KCNH8: variants seen among roughly 807,000 people sequenced by gnomAD.
KCNH8 encodes the protein voltage-gated delayed rectifier potassium channel KCNH8.
Under a neutral mutation model 103.6 loss-of-function variants are expected in KCNH8, and 70 were observed. The observed-to-expected ratio is 0.68, with a 90% CI of 0.56 to 0.82. The LOEUF is 0.82. KCNH8 is among the 40% of genes least tolerant of loss of function. The pLI, the probability that KCNH8 is intolerant of heterozygous loss-of-function variation, is 0.00. For synonymous variants in KCNH8, 498 were observed against 489.4 expected (o/e 1.02, Z -0.23); for missense variants, 1,217 against 1,329.9 (o/e 0.92, Z 1.32).
Position 19,315,183 on chromosome 3 carries a change from T to C in KCNH8, c.443-27404T>C, listed in dbSNP as rs184035700. Among the ~76,000 whole-genome samples, 8 of 151,968 alleles carry C rather than the reference T, an allele frequency of 5.3e-5. No homozygotes were observed. In the South Asian group the frequency reaches 1.0e-3, roughly 20 times the overall value. On this transcript the variant is annotated intron_variant, in intron 3 of 15. Coordinates refer to ENST00000328405, the MANE Select transcript of KCNH8 (RefSeq NM_144633.3). ...GCCCAGGATTGTGCAGACTTGAAAC[T>C]GGGGAGTGAAGTGTCAGTGCCAGAA...
chr3:19,274,559 T>G (rs757798175), intron 2 of KCNH8, among the ~76,000 whole-genome samples: 23 of 152,124 alleles, frequency 1.5e-4, no homozygotes, highest in Non-Finnish European at 2.8e-4. Context: ...AAGTATTAGT[T>G]CTACTGGTCA....
chr3:19,369,826 A>G (rs1461730570), intron 5 of KCNH8, among the ~76,000 whole-genome samples: 1 of 151,696 alleles, frequency 6.6e-6, no homozygotes, highest in African/African-American at 2.4e-5. Flanking sequence ...CTAACCACCT[A>G]TTTTTGCACT....
At chr3:19,489,317 G>A (rs182535912) in intron 11 of KCNH8, among the ~76,000 whole-genome samples, 8 of 152,168 alleles carry the variant, frequency 5.3e-5, no homozygotes, top group Admixed American at 1.3e-4. Flanking sequence ...GAATTCCCTC[G>A]GTGGGTGGAG....
At chr3:19,356,101 G>A (rs903524684) in intron 5 of KCNH8, among the ~76,000 whole-genome samples, 9 of 151,720 alleles carry the variant, frequency 5.9e-5, no homozygotes, top group South Asian at 2.1e-4. Context: ...TGGTATTCAC[G>A]TAAACTCCAT....
chr3:19,232,310 A>G lies in KCNH8; in HGVS notation c.77-21344A>G, dbSNP rs563779772. On this transcript the variant is annotated intron_variant, in intron 1 of 15. Transcript: ENST00000328405. ...CTCTTGGTTTTATTTCCTCAACCAT[A>G]TCCTTCACTGAGAATCTGGAGAAAA... 1.1e-3 allele frequency among the ~76,000 whole-genome samples: 163 copies of G among 152,334 alleles called. 1 individual carries two copies. The highest frequency in any genetic ancestry group is 3.6e-3 in the African/African-American group (149 of 41,580).
intron 3 of KCNH8, among the ~76,000 whole-genome samples, chr3:19,337,806 A>G (rs1444505121): frequency 6.6e-6 from 1 of 152,076 alleles, no homozygotes; most frequent in Non-Finnish European, 1.5e-5. Context: ...TAATAAAATC[A>G]CACATTACAA....
intron 5 of KCNH8, among the ~76,000 whole-genome samples, chr3:19,369,880 A>G (rs145606063): frequency 3.9e-5 from 6 of 152,122 alleles, no homozygotes; most frequent in Non-Finnish European, 8.8e-5. Context: ...TTTGGTCACC[A>G]TCAGCTCTGT....
chr3:19,284,547 G>GTC (rs2064802732), intron 3 of KCNH8, among the ~76,000 whole-genome samples: 1 of 150,066 alleles, frequency 6.7e-6, no homozygotes, highest in South Asian at 2.1e-4. Context: ...GTGTGTGTGT[G>GTC]TGTGTGAGGG....
chr3:19,512,349 CAAGGCTTTTCA>C (rs1445577024), intron 12 of KCNH8, among the ~76,000 whole-genome samples: 1 of 152,070 alleles, frequency 6.6e-6, no homozygotes, highest in Non-Finnish European at 1.5e-5. Flanking sequence ...CTTCCTTTTC[CAAGGCTTTTCA>C]AAGGAAGCAG....
rs189166433 is a variant in KCNH8 at position 19,530,077 on chromosome 3, G to A, written c.2620-3318G>A. ...AGGCACAGAAAGACAAATATTCCAC[G>A]TCCTCACTCATATGTGGGAGCTAGA... is the stretch of plus-strand genomic sequence containing the variant. On this transcript the variant is annotated intron_variant, in intron 15 of 15. Coordinates refer to ENST00000328405, the MANE Select transcript of KCNH8 (RefSeq NM_144633.3). Among the ~76,000 whole-genome samples, 614 of 152,160 alleles carry A rather than the reference G, an allele frequency of 4.0e-3. 5 individuals are homozygous for A. Among genetic ancestry groups the A allele is most frequent in the South Asian group, 0.019 (94 of 4,824 alleles).
At chr3:19,524,719 A>G (rs1052755953) in intron 15 of KCNH8, among the ~76,000 whole-genome samples, 3 of 151,950 alleles carry the variant, frequency 2.0e-5, no homozygotes, top group Non-Finnish European at 4.4e-5. Flanking sequence ...GACTCTTCTC[A>G]TCTTTGAATA....
intron 15 of KCNH8, among the ~76,000 whole-genome samples, chr3:19,521,004 C>T (rs369371300): frequency 3.6e-4 from 55 of 152,112 alleles, no homozygotes; most frequent in African/African-American, 1.2e-3. Context: ...AATATTAGAA[C>T]GCTTTGACCA....
At chr3:19,485,807 G>A (rs2068194507) in intron 11 of KCNH8, among the ~76,000 whole-genome samples, 1 of 152,256 alleles carries the variant, frequency 6.6e-6, no homozygotes, top group Non-Finnish European at 1.5e-5. Flanking sequence ...CCCCTGTAGT[G>A]CATGACTGCC....
chr3:19,210,371 A>G (rs1188782879), intron 1 of KCNH8, among the ~76,000 whole-genome samples: 2 of 152,004 alleles, frequency 1.3e-5, no homozygotes, highest in Non-Finnish European at 2.9e-5. Flanking sequence ...CCAATTGTAT[A>G]CTTAGCTGTG....
chr3:19,432,036 T>C (rs1470502100), intron 7 of KCNH8, among the ~76,000 whole-genome samples: 1 of 150,410 alleles, frequency 6.6e-6, no homozygotes, highest in African/African-American at 2.5e-5. Context: ...AACTGCTAGT[T>C]TTGGGATTTG....
chr3:19,333,931 AT>A (rs1328381124), intron 3 of KCNH8, among the ~76,000 whole-genome samples: 1 of 151,984 alleles, frequency 6.6e-6, no homozygotes, highest in Non-Finnish European at 1.5e-5. Context: ...CATACAGGAA[AT>A]TTTTTTTAAG....
At chr3:19,217,248 C>G (rs1213241664) in intron 1 of KCNH8, among the ~76,000 whole-genome samples, 1 of 152,132 alleles carries the variant, frequency 6.6e-6, no homozygotes, top group Non-Finnish European at 1.5e-5. Flanking sequence ...AGATATTTCA[C>G]CTTACATTTC....
chr3:19,159,559 C>T (rs2063214453), intron 1 of KCNH8, among the ~76,000 whole-genome samples: 1 of 152,060 alleles, frequency 6.6e-6, no homozygotes, highest in Admixed American at 6.6e-5. Context: ...AAAACAGGGC[C>T]AAGATTGGTT....
intron 2 of KCNH8, among the ~76,000 whole-genome samples, chr3:19,266,522 T>C (rs530829910): frequency 3.0e-4 from 45 of 152,256 alleles, no homozygotes; most frequent in South Asian, 4.1e-4. Context: ...TGTGTCACAG[T>C]AGGCACCACC....
Sources: allele counts gnomAD v4.1 joint callset (sites outside exome capture counted in the v4.1 genomes callset), GRCh38; gene constraint gnomAD v4.1.1; transcripts MANE v1.5; gene names NCBI Gene and HGNC (gene_info 2026-07-23, HGNC 2026-07-21).